The following PARD3 variants were observed in gnomAD, a reference collection of about 807,000 sequenced individuals.
PARD3 encodes the protein par-3 family cell polarity regulator, also known as partitioning defective 3 homolog.
In PARD3, 75 loss-of-function variants were observed where a neutral mutation model predicts 155.4. The observed-to-expected ratio is 0.48, with a 90% CI of 0.40 to 0.58. PARD3 has a LOEUF of 0.58. Among genes scored for constraint, PARD3 ranks in the 20% least tolerant of loss-of-function variants. The pLI is 0.00. For synonymous variants in PARD3, 576 were observed against 610.5 expected (o/e 0.94, Z 0.83); for missense variants, 1,642 against 1,721.7 (o/e 0.95, Z 0.82).
chr10:34,253,121 G>A (rs1274052184), intron 22 of PARD3, among the ~76,000 whole-genome samples: 2 of 152,196 alleles, frequency 1.3e-5, no homozygotes, highest in African/African-American at 4.8e-5. Context: ...CTGTTACAAA[G>A]AGAGACTAAT....
intron 14 of PARD3, among the ~76,000 whole-genome samples, chr10:34,349,415 A>G (rs1005759877): frequency 6.6e-6 from 1 of 152,050 alleles, no homozygotes; most frequent in Non-Finnish European, 1.5e-5. Flanking sequence ...TAAGGTTTAA[A>G]TTGTGAAACG....
At chr10:34,590,175 T>C (rs1194467734) in intron 2 of PARD3, among the ~76,000 whole-genome samples, 1 of 152,192 alleles carries the variant, frequency 6.6e-6, no homozygotes, top group East Asian at 1.9e-4. Context: ...AGTGGAAGGC[T>C]GTTCACCAAC....
chr10:34,168,422 C>T (rs756224891), intron 22 of PARD3, among the ~76,000 whole-genome samples: 2 of 152,162 alleles, frequency 1.3e-5, no homozygotes, highest in Non-Finnish European at 2.9e-5. Context: ...ATCCAGAGAA[C>T]TGAGAGCCTG....
Position 34,204,041 on chromosome 10 carries a change from A to G in PARD3, c.3419+65616T>C, listed in dbSNP as rs145707900. Among the ~76,000 whole-genome samples the G allele has an allele frequency of 1.3e-4, 20 of 152,344 alleles. 1 individual carries two copies. The East Asian group carries it at 3.9e-3, about 29-fold the overall frequency. On this transcript the variant is annotated intron_variant, in intron 22 of 24. Coordinates refer to ENST00000374788, the MANE Select transcript of PARD3 (RefSeq NM_001184785.2). ...AGTCAGAGTTCTATCACTTGATTAG[A>G]GGTTTCTGAATAGTAAATGTGTTGA...
intron 2 of PARD3, among the ~76,000 whole-genome samples, chr10:34,532,718 A>G (rs560610867): frequency 1.3e-5 from 2 of 152,348 alleles, no homozygotes; most frequent in Non-Finnish European, 2.9e-5. Flanking sequence ...CCTCAATTCT[A>G]TGACATCACT....
chr10:34,273,332 C>G (rs1483700176), intron 21 of PARD3, among the ~76,000 whole-genome samples: 1 of 152,102 alleles, frequency 6.6e-6, no homozygotes, highest in African/African-American at 2.4e-5. Context: ...ACTACTGATA[C>G]ATACAGCAAC....
chr10:34,654,007 T>C (rs1252795734), intron 2 of PARD3, among the ~76,000 whole-genome samples: 1 of 152,138 alleles, frequency 6.6e-6, no homozygotes, highest in East Asian at 1.9e-4. Flanking sequence ...TGCTTATACG[T>C]TGCTTCACAT....
intron 1 of PARD3, among the ~76,000 whole-genome samples, chr10:34,715,988 T>C (rs2094514435): frequency 6.6e-6 from 1 of 152,236 alleles, no homozygotes; most frequent in Non-Finnish European, 1.5e-5. Flanking sequence ...CCTAATATTA[T>C]GACTCAAGAC....
intron 5 of PARD3, among the ~76,000 whole-genome samples, chr10:34,408,431 G>T (rs1022695695): frequency 6.6e-6 from 1 of 152,064 alleles, no homozygotes; most frequent in African/African-American, 2.4e-5. Context: ...GTGAGCTATG[G>T]TATCCTAGAG....
chr10:34,641,695 G>T (rs562801223), intron 2 of PARD3, among the ~76,000 whole-genome samples: 1 of 152,260 alleles, frequency 6.6e-6, no homozygotes, highest in South Asian at 2.1e-4. Context: ...CGCATGGCTG[G>T]GTGAGCTGTG....
chr10:34,471,638 TC>T (rs2078350043), intron 3 of PARD3, among the ~76,000 whole-genome samples: 1 of 152,154 alleles, frequency 6.6e-6, no homozygotes, highest in Admixed American at 6.5e-5. Flanking sequence ...CACAGCAAAC[TC>T]CGCCTCCTGG....
chr10:34,695,127 G>T (rs375337501), intron 2 of PARD3, among the ~76,000 whole-genome samples: 3 of 152,230 alleles, frequency 2.0e-5, no homozygotes, highest in Non-Finnish European at 4.4e-5. Flanking sequence ...CCATGCTGAT[G>T]TAACTATGTA....
intron 15 of PARD3, chr10:34,343,635 G>A (rs1392926879): frequency 2.8e-5 from 28 of 985,142 alleles, no homozygotes; most frequent in Non-Finnish European, 2.9e-5. Flanking sequence ...CCAGGGTAAT[G>A]GACAGCTAAA....
intron 3 of PARD3, among the ~76,000 whole-genome samples, chr10:34,516,533 T>C (rs2081776436): frequency 6.6e-6 from 1 of 152,174 alleles, no homozygotes; most frequent in African/African-American, 2.4e-5. Context: ...CCCAAATCCC[T>C]GAAGATAACT....
chr10:34,300,457 C>A (rs1369303744), intron 20 of PARD3, among the ~76,000 whole-genome samples: 2 of 152,050 alleles, frequency 1.3e-5, no homozygotes, highest in Non-Finnish European at 2.9e-5. Context: ...GAGTTCAAGA[C>A]CACCCTGGAT....
At chr10:34,708,776 T>C (rs1348526146) in intron 1 of PARD3, among the ~76,000 whole-genome samples, 1 of 152,046 alleles carries the variant, frequency 6.6e-6, no homozygotes, top group Non-Finnish European at 1.5e-5. Context: ...ATTCAAGGTG[T>C]GAGTGGTGTT....
intron 18 of PARD3, among the ~76,000 whole-genome samples, chr10:34,332,004 T>C (rs1219787333): frequency 1.3e-5 from 2 of 152,088 alleles, no homozygotes; most frequent in Admixed American, 1.3e-4. Flanking sequence ...ACATAAGGGC[T>C]CTCTCTCAGA....
intron 22 of PARD3, among the ~76,000 whole-genome samples, chr10:34,142,854 C>G (rs1948266377): frequency 6.6e-6 from 1 of 152,144 alleles, no homozygotes; most frequent in African/African-American, 2.4e-5. Flanking sequence ...ATTATTCATT[C>G]AATAAAACCA....
chr10:34,135,480 G>A (rs773470054), intron 22 of PARD3, among the ~76,000 whole-genome samples: 27 of 152,276 alleles, frequency 1.8e-4, no homozygotes, highest in Non-Finnish European at 2.8e-4. Flanking sequence ...TATATGGAAC[G>A]TCCATAATTA....
Sources: allele counts gnomAD v4.1 joint callset (sites outside exome capture counted in the v4.1 genomes callset), GRCh38; gene constraint gnomAD v4.1.1; transcripts MANE v1.5; gene names NCBI Gene and HGNC (gene_info 2026-07-23, HGNC 2026-07-21).